Variants in ZNF229 observed in about 807,000 individuals in gnomAD.
ZNF229 encodes the protein zinc finger protein 229.
Under a neutral mutation model 11.8 loss-of-function variants are expected in ZNF229, and 10 were observed. That is an observed-to-expected ratio of 0.85 (90% CI 0.52 to 1.44). ZNF229 has a LOEUF of 1.44. ZNF229 is among the 40% of genes most tolerant of loss of function. The pLI, the probability that ZNF229 is intolerant of heterozygous loss-of-function variation, is 0.00. For missense variants in ZNF229, 1,045 were observed against 1,015.1 expected (o/e 1.03, Z -0.40); for synonymous variants, 368 against 374.8 (o/e 0.98, Z 0.21).
rs1349663804 is a variant in ZNF229, at chr19:44,426,556, G to A, written c.*1747C>T. ...TCCTGGTTCACTAAATACTTCATGA[G>A]CAACCTGCATTGTCATTATCTGTGT... On this transcript the variant is annotated 3_prime_UTR_variant, in exon 6 of 6. Transcript: ENST00000614049. 1 of 152,128 alleles carries A rather than the reference G, an allele frequency of 6.6e-6. No homozygotes were observed. Among genetic ancestry groups the A allele is most frequent in the Non-Finnish European group, 1.5e-5 (1 of 68,038 alleles). The allele number at this position is 152,128 out of a possible 1,614,324, so 9.4% of individuals were successfully genotyped here. A position where few individuals can be genotyped will look rare whatever the true frequency, so the allele number is the denominator to read the frequency against.
intron 2 of ZNF229, among the ~76,000 whole-genome samples, chr19:44,445,265 ATTCCTACTCCTGTTCGTTTCAGTCTAC>A (rs1363211489): frequency 6.6e-6 from 1 of 152,160 alleles, no homozygotes; most frequent in Non-Finnish European, 1.5e-5. Flanking sequence ...TGGCCTCTGC[ATTCCTACTCCTGTTCGTTTCAGTCTAC>A]TTCCTACACA....
At chr19:44,432,189 C>A (rs750009236) in intron 5 of ZNF229, 33 bp downstream of exon 5, 1 of 1,588,374 alleles carries the variant, frequency 6.3e-7, no homozygotes, top group East Asian at 2.3e-5. Context: ...TCTCCAGGAA[C>A]AAGAACACTC....
chr19:44,434,396 T>C (rs1365937095), intron 4 of ZNF229, among the ~76,000 whole-genome samples: 2 of 152,110 alleles, frequency 1.3e-5, no homozygotes, highest in Non-Finnish European at 2.9e-5. Flanking sequence ...TCAGCTAATT[T>C]ATGTCATGCA....
rs1398315457 is a variant in ZNF229, at chr19:44,430,173, C to T, written c.608G>A (p.Cys203Tyr). 6.2e-7 allele frequency: 1 copy of T among 1,613,980 alleles called. No homozygotes were observed. Among genetic ancestry groups the T allele is most frequent in the East Asian group, 2.2e-5 (1 of 44,888 alleles). The change falls in exon 6 of 6, where the codon TGT becomes TAT. Residue 203 changes from cysteine to tyrosine, a missense_variant. Physicochemically the swap from Cys to Tyr is radical, Grantham distance 194. Coordinates refer to ENST00000614049, the MANE Select transcript of ZNF229 (RefSeq NM_014518.4). ...VNQLGDVQER[C>Y]KNLDTEDTVY... The stretch of plus-strand genomic sequence containing the variant: ...TGTGTCTTCTGTGTCGAGATTTTTA[C>T]ATCTTTCTTGAACATCCCCTAACTG...
Position 44,442,603 on chromosome 19 carries a change from G to A in ZNF229, c.53C>T (p.Ser18Leu). ...HEKRALHSQA[S>L]AISQDREEKI... ...CTCCTCCCTATCTTGGGAAATGGCT[G>A]AGGCTTGAGAATGAAGAGCTGTAGG... The change falls in exon 4 of 6, where the codon TCA becomes TTA. Residue 18 changes from serine (S) to leucine (L), a missense_variant. By Grantham distance (145) the Ser-to-Leu change is moderately radical. Coordinates refer to ENST00000614049, the MANE Select transcript of ZNF229 (RefSeq NM_014518.4). 1 of 1,614,138 alleles carries A rather than the reference G, an allele frequency of 6.2e-7. No individual in the cohort carries two copies. The highest frequency in any genetic ancestry group is 8.5e-7 in the Non-Finnish European group (1 of 1,180,036).
chr19:44,437,551 C>T (rs956223716), intron 4 of ZNF229, among the ~76,000 whole-genome samples: 20 of 152,190 alleles, frequency 1.3e-4, no homozygotes, highest in African/African-American at 4.8e-4. Context: ...TCATACAAAG[C>T]AGTGTGGTGA....
chr19:44,448,024 G>A (rs916877932), intron 1 of ZNF229, among the ~76,000 whole-genome samples: 4 of 152,162 alleles, frequency 2.6e-5, no homozygotes, highest in African/African-American at 9.7e-5. Flanking sequence ...CATTTCAAAG[G>A]ATAAAATTAG....
intron 5 of ZNF229, 100 bp from the exon 6 acceptor site, chr19:44,430,642 T>C (rs1372575416): frequency 1.7e-6 from 2 of 1,158,682 alleles, no homozygotes; most frequent in South Asian, 1.7e-5. Flanking sequence ...AGAGAAAAAT[T>C]AGGCTTTATG....
chr19:44,445,708 A>G (rs1024824039), intron 2 of ZNF229, among the ~76,000 whole-genome samples: 35 of 151,928 alleles, frequency 2.3e-4, no homozygotes, highest in Non-Finnish European at 2.9e-5. Context: ...CCTACAGTCT[A>G]TTTTTCTTGT....
In ZNF229 at chr19:44,432,291, G is replaced by A; in HGVS notation, c.169C>T (p.Gln57Ter). The change falls in exon 5 of 6, where the codon CAG becomes TAG. Residue 57 changes from glutamine (Q) to a stop codon, truncating the protein, a stop_gained. Coordinates refer to ENST00000614049, the MANE Select transcript of ZNF229 (RefSeq NM_014518.4). LOFTEE classifies it high-confidence loss of function. Reference sequence around the variant, plus strand: ...TCCTGCATCACATCTTGGTACAGCTGCCTCTGGGTAGAGTCCAGCAGCTCT... The same window carrying A: ...TCCTGCATCACATCTTGGTACAGCTACCTCTGGGTAGAGTCCAGCAGCTCT... ...ELELLDSTQRQLYQDVMQENF... is the reference protein window; with the variant it reads ...ELELLDSTQR 2.5e-6 allele frequency: 4 copies of A among 1,613,944 alleles called. No individual in the cohort carries two copies. Among genetic ancestry groups the A allele is most frequent in the Non-Finnish European group, 3.4e-6 (4 of 1,180,004 alleles).
Position 44,442,621 on chromosome 19 carries a change from G to C in ZNF229, c.35C>G (p.Ala12Gly). 6.2e-7 allele frequency: 1 copy of C among 1,614,108 alleles called. No homozygotes were observed. The highest frequency in any genetic ancestry group is 8.5e-7 in the Non-Finnish European group (1 of 1,180,012). Reference protein sequence around the residue: ...ETLTSRHEKRALHSQASAISQ... With the variant: ...ETLTSRHEKRGLHSQASAISQ... The stretch of plus-strand genomic sequence containing the variant: ...AATGGCTGAGGCTTGAGAATGAAGA[G>C]CTGTAGGAGGAGAAAGAGGCCATGA... Residue 12 changes from alanine (A) to glycine (G), a missense_variant and splice_region_variant, in exon 4 of 6, where the codon GCT becomes GGT. Ala to Gly is a moderately conservative substitution (Grantham distance 60, BLOSUM62 0). Coordinates refer to ENST00000614049, the MANE Select transcript of ZNF229 (RefSeq NM_014518.4).
intron 4 of ZNF229, among the ~76,000 whole-genome samples, chr19:44,432,696 G>T (rs573928762): frequency 6.6e-5 from 10 of 151,886 alleles, no homozygotes; most frequent in East Asian, 5.8e-4. Flanking sequence ...GTTGTGGGGT[G>T]GGGGGAGTGG....
At chr19:44,442,506 A>G in intron 4 of ZNF229, 57 bp downstream of exon 4, 1 of 1,578,286 alleles carries the variant, frequency 6.3e-7, no homozygotes, top group East Asian at 2.2e-5. Context: ...GAAGGGACGT[A>G]TGTTTTCTCT....
intron 2 of ZNF229, among the ~76,000 whole-genome samples, chr19:44,445,149 C>T (rs1442018767): frequency 1.3e-5 from 2 of 152,124 alleles, no homozygotes; most frequent in Admixed American, 6.5e-5. Context: ...ACTCTACATC[C>T]AATCCATCAG....
At position 44,430,537 on chromosome 19, in the gene ZNF229, T is replaced by C; in HGVS notation, c.244A>G (p.Lys82Glu). The change falls in exon 6 of 6, where the codon AAG becomes GAG. Residue 82 changes from lysine to glutamate, a missense_variant. Lys to Glu is a moderately conservative substitution (Grantham distance 56). Transcript: ENST00000614049. The stretch of plus-strand genomic sequence containing the variant: ...ATATACTCCGTATCCTTTCCATTCT[T>C]GTCTCCTATGAGGTTAAAGACAATT... ...SVGERNPLGD[K>E]NGKDTEYIQD... 1 of 1,611,720 alleles carries C rather than the reference T, an allele frequency of 6.2e-7. No individual in the cohort carries two copies. The highest frequency in any genetic ancestry group is 8.5e-7 in the Non-Finnish European group (1 of 1,178,800).
At chr19:44,448,013 ACATTT>A (rs1235290047) in intron 1 of ZNF229, among the ~76,000 whole-genome samples, 1 of 152,210 alleles carries the variant, frequency 6.6e-6, no homozygotes, top group Non-Finnish European at 1.5e-5. Context: ...AGCGCTTAAT[ACATTT>A]CAAAGGATAA....
intron 4 of ZNF229, among the ~76,000 whole-genome samples, chr19:44,437,030 G>A (rs1449654027): frequency 1.3e-5 from 2 of 151,922 alleles, no homozygotes; most frequent in African/African-American, 2.4e-5. Flanking sequence ...AATGATTGAT[G>A]TAAAAATAAC....
chr19:44,431,116 G>A (rs1971715534), intron 5 of ZNF229, among the ~76,000 whole-genome samples: 2 of 152,104 alleles, frequency 1.3e-5, no homozygotes, highest in South Asian at 2.1e-4. Context: ...GGGTATTTGT[G>A]AGCCATACTT....
At chr19:44,433,988 CG>C (rs1307829301) in intron 4 of ZNF229, among the ~76,000 whole-genome samples, 2 of 152,106 alleles carry the variant, frequency 1.3e-5, no homozygotes, top group African/African-American at 4.8e-5. Context: ...AGGATGGTCT[CG>C]ATCTCCTGAA....
Sources: gnomAD v4.1 joint callset for allele counts (sites outside exome capture counted in the v4.1 genomes callset) on GRCh38, gnomAD v4.1.1 for gene constraint, MANE v1.5 for transcripts, NCBI Gene and HGNC (gene_info 2026-07-23, HGNC 2026-07-21) for gene names.